Variants in NBAS observed in about 807,000 individuals in gnomAD.
NBAS encodes NAG/BC035112 fusion.
NBAS carries 219 observed loss-of-function variants against 302.5 expected under a neutral mutation model. The observed-to-expected ratio is 0.72, with a 90% CI of 0.65 to 0.81. NBAS has a LOEUF of 0.81. Ranked by LOEUF, NBAS falls within the 30% of genes least tolerant of loss-of-function variation. NBAS has a pLI of 0.00. For missense variants in NBAS, 2,932 were observed against 2,841.6 expected (o/e 1.03, Z -0.72); for synonymous variants, 1,118 against 1,021.6 (o/e 1.09, Z -1.80).
At chr2:14,784,335 G>C in the NBAS span, among the ~76,000 whole-genome samples, 38 of 152,168 alleles carry the variant, frequency 2.5e-4, no homozygotes, top group African/African-American at 8.9e-4. Context: ...GATCCCATTT[G>C]TCAATCTTGG....
At chr2:15,272,374 C>G (rs1371069268) in intron 44 of NBAS, among the ~76,000 whole-genome samples, 1 of 152,150 alleles carries the variant, frequency 6.6e-6, no homozygotes, top group African/African-American at 2.4e-5. Context: ...GTGGGAACAT[C>G]TGGTGTTTTG....
intron 51 of NBAS, among the ~76,000 whole-genome samples, chr2:15,176,248 A>G (rs1306897546): frequency 1.3e-5 from 2 of 152,240 alleles, no homozygotes; most frequent in Admixed American, 1.3e-4. Context: ...AAGAGCAATG[A>G]TTAATTACAG....
chr2:15,309,313 C>A, intron 38 of NBAS, 66 bp from the exon 39 acceptor site: 1 of 1,328,520 alleles, frequency 7.5e-7, no homozygotes, highest in Non-Finnish European at 1.1e-6. Flanking sequence ...TATTAAATGC[C>A]ATGTTTTCAG....
At chr2:15,464,994 C>G (rs1679661672) in intron 19 of NBAS, among the ~76,000 whole-genome samples, 1 of 152,174 alleles carries the variant, frequency 6.6e-6, no homozygotes, top group African/African-American at 2.4e-5. Context: ...TTTATTTGGA[C>G]AAATTACTTA....
chr2:15,505,625 G>A (rs965112471), intron 10 of NBAS, among the ~76,000 whole-genome samples: 1 of 152,094 alleles, frequency 6.6e-6, no homozygotes, highest in African/African-American at 2.4e-5. Flanking sequence ...GACAAAAGAA[G>A]GCACCGTTAA....
rs866723435 is a variant in NBAS at position 15,239,388 on chromosome 2, C to T, written c.5725-702G>A. 3.0e-3 allele frequency among the ~76,000 whole-genome samples: 247 copies of T among 83,026 alleles called. 2 individuals carry two copies. The highest frequency in any genetic ancestry group is 8.7e-3 in the African/African-American group (220 of 25,278). The allele number at this position is 83,026 out of a possible 152,430, so 54.5% of individuals were successfully genotyped here. ...TATTTTATGTGTGTGTGTATGTGTGCGTGTGTGTGTGTGTATATATATATA... is the reference window on the plus strand; with the variant it reads ...TATTTTATGTGTGTGTGTATGTGTGTGTGTGTGTGTGTGTATATATATATA... On this transcript the variant is annotated intron_variant, in intron 44 of 51. Transcript: ENST00000281513.
chr2:15,383,889 C>T (rs193167738), intron 28 of NBAS, among the ~76,000 whole-genome samples: 34 of 152,306 alleles, frequency 2.2e-4, no homozygotes, highest in Non-Finnish European at 4.3e-4. Context: ...CAAAGCAACT[C>T]ACAGAGCACT....
chr2:15,137,633 A>T, the NBAS span, among the ~76,000 whole-genome samples: 1 of 152,142 alleles, frequency 6.6e-6, no homozygotes, highest in Non-Finnish European at 1.5e-5. Flanking sequence ...TGAGAGGAGG[A>T]TCTTAACTTT....
At chr2:14,909,874 C>G in the NBAS span, among the ~76,000 whole-genome samples, 1 of 152,138 alleles carries the variant, frequency 6.6e-6, no homozygotes, top group East Asian at 1.9e-4. Flanking sequence ...GCTTGCTTCC[C>G]CCAAGCCTTT....
chr2:15,035,029 C>T, the NBAS span, among the ~76,000 whole-genome samples: 36 of 151,968 alleles, frequency 2.4e-4, no homozygotes, highest in Middle Eastern at 3.4e-3. Flanking sequence ...CATTCATTCT[C>T]TTTTTTAAAA....
rs183838196 is a variant in NBAS at position 15,502,532 on chromosome 2, G to A, written c.954+1613C>T. ...CTAGGGCCATGAACCTGCTCAGCAT[G>A]CTACTCTACTGAATACTGTGGGCAA... On this transcript the variant is annotated intron_variant, in intron 11 of 51. Coordinates refer to ENST00000281513, the MANE Select transcript of NBAS (RefSeq NM_015909.4). Among the ~76,000 whole-genome samples the A allele has an allele frequency of 5.3e-4, 81 of 152,350 alleles. 1 individual carries two copies. The highest frequency in any genetic ancestry group is 4.7e-4 in the Non-Finnish European group (32 of 68,026).
chr2:15,203,086 ATTACT>A, intron 48 of NBAS, among the ~76,000 whole-genome samples: 1 of 152,330 alleles, frequency 6.6e-6, no homozygotes, highest in South Asian at 2.1e-4. Context: ...GCAATATCAG[ATTACT>A]TTGAGAATAA....
intron 16 of NBAS, among the ~76,000 whole-genome samples, chr2:15,469,047 T>C (rs1052269795): frequency 7.2e-5 from 11 of 152,176 alleles, no homozygotes; most frequent in Non-Finnish European, 1.6e-4. Context: ...AAGATCAAAG[T>C]CCTATTCCTC....
intron 25 of NBAS, among the ~76,000 whole-genome samples, chr2:15,411,981 C>G (rs982683481): frequency 1.9e-4 from 29 of 151,892 alleles, no homozygotes; most frequent in African/African-American, 6.8e-4. Flanking sequence ...AAGGAGGAAT[C>G]CAAGCAAAGA....
At chr2:14,885,064 T>G in the NBAS span, among the ~76,000 whole-genome samples, 2 of 152,214 alleles carry the variant, frequency 1.3e-5, no homozygotes, top group African/African-American at 2.4e-5. Flanking sequence ...TTTGAGATTT[T>G]TATTCCAAGT....
chr2:15,353,777 T>C lies in NBAS; in HGVS notation c.3932-67A>G. ...AGAATATTCAATCTAAGATGACAAA[T>C]GCAATGGCTTCCTGCTCAGGTCTTG... On this transcript the variant is annotated intron_variant, in intron 33 of 51. Transcript: ENST00000281513. 3 of 1,601,228 alleles carry C rather than the reference T, an allele frequency of 1.9e-6. No individual in the cohort carries two copies. In the South Asian group the frequency reaches 3.3e-5, roughly 18 times the overall value.
chr2:15,411,698 G>A (rs573066335), intron 25 of NBAS, among the ~76,000 whole-genome samples: 1 of 152,232 alleles, frequency 6.6e-6, no homozygotes, highest in South Asian at 2.1e-4. Flanking sequence ...AAAGAAGAGT[G>A]GACATTTAAA....
chr2:15,496,182 A>G (rs545961918), intron 11 of NBAS, among the ~76,000 whole-genome samples: 1 of 152,166 alleles, frequency 6.6e-6, no homozygotes, highest in East Asian at 1.9e-4. Context: ...ATGCAACAAC[A>G]TGGGTGAACC....
At position 15,238,655 on chromosome 2, in the gene NBAS, C is replaced by A; in HGVS notation, c.5756G>T (p.Arg1919Ile). The part of the protein sequence containing the change: ...LSVEARKEMT[R>I]KAIKTVKHFI... ...ATGTTTGACTGTCTTAATAGCCTTT[C>A]TAGTCATCTCTTTACGGGCTTCCAC... The change falls in exon 45 of 52, where the codon AGA becomes ATA. Residue 1919 changes from arginine (R) to isoleucine (I), a missense_variant. Transcript: ENST00000281513. 6.2e-7 allele frequency: 1 copy of A among 1,611,720 alleles called. No homozygotes were observed. The highest frequency in any genetic ancestry group is 8.5e-7 in the Non-Finnish European group (1 of 1,179,670).
Sources: allele counts gnomAD v4.1 joint callset (sites outside exome capture counted in the v4.1 genomes callset), GRCh38; gene constraint gnomAD v4.1.1; transcripts MANE v1.5; gene names NCBI Gene and HGNC (gene_info 2026-07-23, HGNC 2026-07-21).